DENND11: variants seen among roughly 807,000 people sequenced by gnomAD.
DENND11 encodes the protein DENN domain-containing protein 11.
In DENND11, 34 loss-of-function variants were observed where a neutral mutation model predicts 49.2. The ratio of observed to expected loss-of-function variants is 0.69; its 90% CI spans 0.53 to 0.92. DENND11 has a LOEUF of 0.92. DENND11 is among the 40% of genes least tolerant of loss of function. The probability of loss-of-function intolerance (pLI) is 0.00; values close to 1 mark genes in which losing one functional copy is unlikely to be tolerated. For synonymous variants in DENND11, 238 were observed against 230.3 expected, an observed-to-expected ratio of 1.03 and a Z score of -0.30; for missense variants, 475 against 581.6, an observed-to-expected ratio of 0.82 and a Z score of 1.88.
At chr7:141,672,038 A>G (rs1483347663) in intron 4 of DENND11, among the ~76,000 whole-genome samples, 1 of 152,240 alleles carries the variant, frequency 6.6e-6, no homozygotes, top group African/African-American at 2.4e-5. Context: ...GAAGACACCT[A>G]TGACTCCAGC....
chr7:141,699,598 T>C (rs1798473262), intron 1 of DENND11, among the ~76,000 whole-genome samples: 1 of 152,090 alleles, frequency 6.6e-6, no homozygotes, highest in African/African-American at 2.4e-5. Flanking sequence ...CACACTGCGC[T>C]CTCTCTTCCT....
chr7:141,683,579 G>A (rs1017195093), intron 3 of DENND11, among the ~76,000 whole-genome samples: 10 of 152,184 alleles, frequency 6.6e-5, no homozygotes, highest in African/African-American at 2.4e-4. Flanking sequence ...GGAGGCGGAG[G>A]TTGCAGTGAG....
At chr7:141,678,151 G>C (rs1013490793) in intron 3 of DENND11, among the ~76,000 whole-genome samples, 1 of 152,010 alleles carries the variant, frequency 6.6e-6, no homozygotes, top group Non-Finnish European at 1.5e-5. Context: ...TAGTAGAGAC[G>C]GGGTTTCACC....
rs191289001 is a variant in DENND11, at chr7:141,678,040, G to A, written c.528-3820C>T. Among the ~76,000 whole-genome samples, 25 of 151,256 alleles carry A rather than the reference G, an allele frequency of 1.7e-4. No individual in the cohort carries two copies. In the East Asian group the frequency reaches 3.5e-3, roughly 21 times the overall value. Reference sequence around the variant, plus strand: ...TGCAGTGGTGCAATCTCAGCTCACCGCAACCTCCACCTCTGGGTTCAAGCG... The same window carrying A: ...TGCAGTGGTGCAATCTCAGCTCACCACAACCTCCACCTCTGGGTTCAAGCG... On this transcript the variant is annotated intron_variant, in intron 3 of 8. Transcript: ENST00000536163.
At chr7:141,684,170 T>C (rs1798193342) in intron 3 of DENND11, among the ~76,000 whole-genome samples, 1 of 152,152 alleles carries the variant, frequency 6.6e-6, no homozygotes, top group Non-Finnish European at 1.5e-5. Flanking sequence ...CAACTGATCC[T>C]CCTAAATTGA....
intron 1 of DENND11, among the ~76,000 whole-genome samples, chr7:141,692,031 G>A (rs934699986): frequency 4.6e-5 from 7 of 152,116 alleles, no homozygotes; most frequent in African/African-American, 1.7e-4. Context: ...TCCTTAGAAG[G>A]TTTATACTCA....
At chr7:141,665,468 G>A (rs1328634441) in intron 5 of DENND11, 150 bp from the exon 6 acceptor site, 43 of 1,063,328 alleles carry the variant, frequency 4.0e-5, no homozygotes, top group Non-Finnish European at 5.2e-5. Context: ...GAGGTGGCAA[G>A]CCTTTTGGGG....
intron 1 of DENND11, 106 bp from the exon 2 acceptor site, chr7:141,686,764 T>C (rs1363518178): frequency 1.3e-6 from 1 of 755,110 alleles, no homozygotes; most frequent in Non-Finnish European, 2.3e-6. Flanking sequence ...GACTGCTGAC[T>C]CAGCCTCAGA....
chr7:141,675,095 T>C (rs1798044562), intron 3 of DENND11, among the ~76,000 whole-genome samples: 1 of 152,212 alleles, frequency 6.6e-6, no homozygotes, highest in African/African-American at 2.4e-5. Flanking sequence ...ATGAAGTTAC[T>C]GGAGTGGGCC....
rs1033661313 is a variant in DENND11, at chr7:141,661,990, T to G, written c.*666A>C. 6.6e-6 allele frequency: 1 copy of G among 152,202 alleles called. No homozygotes were observed. The highest frequency in any genetic ancestry group is 1.5e-5 in the Non-Finnish European group (1 of 68,046). 9.4% of individuals were successfully genotyped at this position (152,202 alleles called of 1,614,324 possible). On this transcript the variant is annotated 3_prime_UTR_variant, in exon 9 of 9. Coordinates refer to ENST00000536163, the MANE Select transcript of DENND11 (RefSeq NM_001080392.2). ...ATTGCATGGCCACCATCAAGTTACT[T>G]TGAGGAAGGTTTCCAGGCTTCATTC...
chr7:141,692,370 C>A (rs1261943934), intron 1 of DENND11, among the ~76,000 whole-genome samples: 1 of 152,156 alleles, frequency 6.6e-6, no homozygotes, highest in Non-Finnish European at 1.5e-5. Context: ...GAACAATGCA[C>A]CCAACTTCGA....
chr7:141,683,783 T>G (rs932384577), intron 3 of DENND11, among the ~76,000 whole-genome samples: 1 of 152,116 alleles, frequency 6.6e-6, no homozygotes, highest in Non-Finnish European at 1.5e-5. Context: ...TAGAACAATA[T>G]CTATAGCATC....
rs1797763064 is a variant in DENND11 at position 141,659,911 on chromosome 7, AAT to A, written c.*2743_*2744del. 6.6e-6 allele frequency: 1 copy of A among 152,252 alleles called. No individual in the cohort carries two copies. The highest frequency in any genetic ancestry group is 2.4e-5 in the African/African-American group (1 of 41,460). The allele number at this position is 152,252 out of a possible 1,614,324, so 9.4% of individuals were successfully genotyped here. ...AACAAAAGCAGATGGTTTCTCAGAA[AAT>A]ATTTCAAGACTGGCAGAAAAGCAGG... On this transcript the variant is annotated 3_prime_UTR_variant, in exon 9 of 9. Coordinates refer to ENST00000536163, the MANE Select transcript of DENND11 (RefSeq NM_001080392.2).
At chr7:141,692,964 T>C (rs527328315) in intron 1 of DENND11, among the ~76,000 whole-genome samples, 1 of 152,350 alleles carries the variant, frequency 6.6e-6, no homozygotes, top group South Asian at 2.1e-4. Context: ...AATGAGTTTC[T>C]AGATATAATA....
Position 141,665,035 on chromosome 7 carries a change from G to A in DENND11, c.972C>T (p.Phe324=), listed in dbSNP as rs763679967. ...CGTCATACAGCTCCCGCTTCTCCTCGAATATCTTCTCTGTGGTGCCTGTGG... is the reference window on the plus strand; with the variant it reads ...CGTCATACAGCTCCCGCTTCTCCTCAAATATCTTCTCTGTGGTGCCTGTGG... ...SYVACTTEKI[F]EEKRELYDVY... is the part of the protein sequence containing the mutation. Residue 324 remains phenylalanine, a synonymous_variant, in exon 7 of 9, where the codon TTC becomes TTT. Coordinates refer to ENST00000536163, the MANE Select transcript of DENND11 (RefSeq NM_001080392.2). 27 of 1,613,768 alleles carry A rather than the reference G, an allele frequency of 1.7e-5. No individual in the cohort carries two copies. Among genetic ancestry groups the A allele is most frequent in the South Asian group, 5.5e-5 (5 of 91,066 alleles).
intron 1 of DENND11, among the ~76,000 whole-genome samples, chr7:141,692,225 G>A (rs532244746): frequency 6.6e-6 from 1 of 152,276 alleles, no homozygotes; most frequent in East Asian, 1.9e-4. Context: ...TTATGCTATA[G>A]ACTCAATGCA....
In DENND11 at chr7:141,662,266, A is replaced by G. The variant is rs1033280079; in HGVS notation, c.*390T>C. ...CTGCCTTTAGGCAGATGAACATCTA[A>G]GGCCACAGGGGACAGGTGGTTGTCT... On this transcript the variant is annotated 3_prime_UTR_variant, in exon 9 of 9. Coordinates refer to ENST00000536163, the MANE Select transcript of DENND11 (RefSeq NM_001080392.2). 2 of 183,806 alleles carry G rather than the reference A, an allele frequency of 1.1e-5. No individual in the cohort carries two copies. Among genetic ancestry groups the G allele is most frequent in the African/African-American group, 4.7e-5 (2 of 42,830 alleles). The allele number at this position is 183,806 out of a possible 1,614,324, so 11.4% of individuals were successfully genotyped here. A position where few individuals can be genotyped will look rare whatever the true frequency, so the allele number is the denominator to read the frequency against.
chr7:141,694,657 C>A (rs1798384088), intron 1 of DENND11, among the ~76,000 whole-genome samples: 1 of 152,210 alleles, frequency 6.6e-6, no homozygotes, highest in Non-Finnish European at 1.5e-5. Flanking sequence ...ATTTATATCT[C>A]CACACACAGT....
chr7:141,664,851 G>A, intron 7 of DENND11, 53 bp downstream of exon 7: 1 of 1,552,988 alleles, frequency 6.4e-7, no homozygotes, highest in Non-Finnish European at 8.7e-7. Flanking sequence ...CCCCCATGCT[G>A]GAGCTGCCCT....
Sources: allele counts gnomAD v4.1 joint callset (sites outside exome capture counted in the v4.1 genomes callset), GRCh38; gene constraint gnomAD v4.1.1; transcripts MANE v1.5; gene names NCBI Gene and HGNC (gene_info 2026-07-23, HGNC 2026-07-21).